Variants in CIT observed in about 807,000 individuals in gnomAD.
CIT encodes citron Rho-interacting kinase.
Under a neutral mutation model 272.7 loss-of-function variants are expected in CIT, and 79 were observed. The ratio of observed to expected loss-of-function variants is 0.29; its 90% CI spans 0.24 to 0.35. CIT has a LOEUF of 0.35. CIT is among the 10% of genes least tolerant of loss of function. The pLI, the probability that CIT is intolerant of heterozygous loss-of-function variation, is 1.00. For missense variants in CIT, 1,909 were observed against 2,618.3 expected (o/e 0.73, Z 5.91); for synonymous variants, 948 against 995.6 (o/e 0.95, Z 0.90).
At chr12:119,736,196 T>C (rs1213342350) in intron 24 of CIT, among the ~76,000 whole-genome samples, 1 of 152,148 alleles carries the variant, frequency 6.6e-6, no homozygotes, top group Non-Finnish European at 1.5e-5. Flanking sequence ...TTTCTAATAA[T>C]AGTTGGACTG....
chr12:119,776,900 G>A, intron 13 of CIT, 58 bp from the exon 14 acceptor site: 1 of 1,558,620 alleles, frequency 6.4e-7, no homozygotes, highest in Non-Finnish European at 8.8e-7. Flanking sequence ...GAATAGACAG[G>A]CAGTGAGGAT....
chr12:119,862,833 AAAAAAAAGAAAAAACC>A (rs1950391038), intron 3 of CIT, among the ~76,000 whole-genome samples: 1 of 136,038 alleles, frequency 7.4e-6, no homozygotes, highest in African/African-American at 3.1e-5. Flanking sequence ...AAAAAAAAAA[AAAAAAAAGAAAAAACC>A]AAAAAAAAAA....
chr12:119,845,372 G>A (rs1359685580), intron 5 of CIT, among the ~76,000 whole-genome samples: 1 of 151,990 alleles, frequency 6.6e-6, no homozygotes, highest in Non-Finnish European at 1.5e-5. Flanking sequence ...GACAAAGGTG[G>A]CCAGGCGCAG....
intron 10 of CIT, among the ~76,000 whole-genome samples, chr12:119,793,796 C>G (rs961707706): frequency 5.3e-5 from 8 of 152,334 alleles, no homozygotes; most frequent in African/African-American, 1.9e-4. Flanking sequence ...TGTTACTTCT[C>G]CAGTGCCTAG....
chr12:119,782,500 C>T lies in CIT; in HGVS notation c.1665+18G>A, dbSNP rs1256205003. The T allele has an allele frequency of 6.2e-7, 1 of 1,612,722 alleles. No individual in the cohort carries two copies. The highest frequency in any genetic ancestry group is 1.3e-5 in the African/African-American group (1 of 74,864). The stretch of plus-strand genomic sequence containing the variant: ...AGCAAGCCGAGATGCTGCTGTGCTC[C>T]CAGGCAAGCAGGCCTACCTGCTCTT... On this transcript the variant is annotated intron_variant, in intron 13 of 47. Transcript: ENST00000392521.
chr12:119,740,024 C>A (rs578172228), intron 24 of CIT, among the ~76,000 whole-genome samples: 49 of 152,276 alleles, frequency 3.2e-4, no homozygotes, highest in African/African-American at 1.0e-3. Context: ...TACTAAGAGG[C>A]CAATTTATAA....
At chr12:119,787,655 C>T (rs113393565) in intron 10 of CIT, among the ~76,000 whole-genome samples, 3,477 of 133,804 alleles carry the variant, frequency 0.026, 131 homozygotes, top group African/African-American at 0.091. Flanking sequence ...GGCATGAACC[C>T]GGGAGGCGGA....
intron 7 of CIT, among the ~76,000 whole-genome samples, chr12:119,828,913 G>C (rs1156364713): frequency 6.6e-6 from 1 of 151,834 alleles, no homozygotes; most frequent in Admixed American, 6.6e-5. Flanking sequence ...AAATAAACAA[G>C]TTCAGAAGAC....
rs189634146 is a variant in CIT, at chr12:119,819,770, A to C, written c.1111+3050T>G. Among the ~76,000 whole-genome samples the C allele has an allele frequency of 6.6e-5, 10 of 152,352 alleles. 1 individual carries two copies. The South Asian group carries it at 1.9e-3, about 28-fold the overall frequency. Reference sequence around the variant, plus strand: ...ATCACTCAACATGTGTTTATGAAAAACAGTGCTAGATAAAAGCATAATTTA... The same window carrying C: ...ATCACTCAACATGTGTTTATGAAAACCAGTGCTAGATAAAAGCATAATTTA... On this transcript the variant is annotated intron_variant, in intron 9 of 47. Coordinates refer to ENST00000392521, the MANE Select transcript of CIT (RefSeq NM_001206999.2).
intron 46 of CIT, among the ~76,000 whole-genome samples, chr12:119,692,076 A>G (rs1458520294): frequency 6.6e-6 from 1 of 152,206 alleles, no homozygotes; most frequent in Non-Finnish European, 1.5e-5. Flanking sequence ...TGTCTCAACA[A>G]AATTGCTGCT....
chr12:119,728,513 G>T lies in CIT; in HGVS notation c.3580C>A (p.Leu1194Ile). 6.2e-7 allele frequency: 1 copy of T among 1,608,214 alleles called. No homozygotes were observed. ...TATTTCACACTCACCTCTTCCAGAA[G>T]CCTCTGTTTGAGCTCTCGTTCAGTC... ...LETERELKQR[L>I]LEEQAKLQQQ... The change falls in exon 28 of 48, where the codon CTT becomes ATT. Residue 1194 changes from leucine (L) to isoleucine (I), a missense_variant. Coordinates refer to ENST00000392521, the MANE Select transcript of CIT (RefSeq NM_001206999.2). This position sits in a 1 kb window ranked among gnomAD's most constrained non-coding sequence, Gnocchi z 4.3.
At chr12:119,749,363 C>T (rs770638651) in intron 23 of CIT, among the ~76,000 whole-genome samples, 3 of 152,228 alleles carry the variant, frequency 2.0e-5, no homozygotes, top group Non-Finnish European at 4.4e-5. Flanking sequence ...AGGGTCTCCA[C>T]TCAGGTCTCA....
chr12:119,872,379 C>T (rs1950706926), intron 2 of CIT, among the ~76,000 whole-genome samples: 1 of 152,104 alleles, frequency 6.6e-6, no homozygotes, highest in African/African-American at 2.4e-5. Flanking sequence ...GACAAAATGA[C>T]ACTCAGTCTA....
At chr12:119,757,197 T>C (rs1367389379) in intron 22 of CIT, among the ~76,000 whole-genome samples, 174 bp downstream of exon 22, 1 of 151,860 alleles carries the variant, frequency 6.6e-6, no homozygotes, top group Non-Finnish European at 1.5e-5. Flanking sequence ...TGATTCAGCA[T>C]GAATTGGCCT....
At chr12:119,761,692 G>T (rs991576628) in intron 19 of CIT, among the ~76,000 whole-genome samples, 1 of 152,100 alleles carries the variant, frequency 6.6e-6, no homozygotes, top group Non-Finnish European at 1.5e-5. Context: ...TCTTTCCCTG[G>T]TTCTTTCCTC....
intron 27 of CIT, among the ~76,000 whole-genome samples, chr12:119,729,078 A>G (rs1398470145): frequency 1.3e-5 from 2 of 152,208 alleles, no homozygotes; most frequent in Non-Finnish European, 2.9e-5. Context: ...AAGAAATTCA[A>G]CCCAATTAGG....
chr12:119,760,824 A>G (rs1174494400), intron 20 of CIT, 115 bp downstream of exon 20: 3 of 751,302 alleles, frequency 4.0e-6, no homozygotes, highest in African/African-American at 3.5e-5. Context: ...CAACAACTCC[A>G]CAGGATTCAA....
intron 4 of CIT, among the ~76,000 whole-genome samples, chr12:119,852,591 A>G (rs1035466500): frequency 2.0e-5 from 3 of 151,544 alleles, no homozygotes; most frequent in Non-Finnish European, 2.9e-5. Flanking sequence ...GTGGTGTGCT[A>G]CTTGTGGAGC....
chr12:119,718,209 T>G lies in CIT; in HGVS notation c.4168+36A>C. The stretch of plus-strand genomic sequence containing the variant: ...TTTACCATATGCCCACATGTCTTAG[T>G]CGACTAAAAGAAATTTCCATACAAC... On this transcript the variant is annotated intron_variant, in intron 32 of 47. Transcript: ENST00000392521. This position sits in a 1 kb window ranked among gnomAD's most constrained non-coding sequence, Gnocchi z 4.8. 1 of 1,580,068 alleles carries G rather than the reference T, an allele frequency of 6.3e-7. No homozygotes were observed. The highest frequency in any genetic ancestry group is 1.7e-4 in the Middle Eastern group (1 of 5,898).
Sources: allele counts gnomAD v4.1 joint callset (sites outside exome capture counted in the v4.1 genomes callset), GRCh38; gene constraint gnomAD v4.1.1; non-coding constraint Gnocchi (gnomAD v3.1); transcripts MANE v1.5; gene names NCBI Gene and HGNC (gene_info 2026-07-23, HGNC 2026-07-21).